The following SYNE1 variants were observed in gnomAD, a reference collection of about 807,000 sequenced individuals.
SYNE1 encodes spectrin repeat containing nuclear envelope protein 1.
Under a neutral mutation model 1,111.0 loss-of-function variants are expected in SYNE1, and 616 were observed. That is an observed-to-expected ratio of 0.55 (90% CI 0.52 to 0.59). The LOEUF (loss-of-function observed/expected upper bound fraction) is 0.59, where lower values mean the gene tolerates loss of function less well. Among genes scored for constraint, SYNE1 ranks in the 20% least tolerant of loss-of-function variants. The pLI is 0.00. For missense variants in SYNE1, 10,006 were observed against 10,417.0 expected (o/e 0.96, Z 1.72); for synonymous variants, 3,855 against 3,825.8 (o/e 1.01, Z -0.28).
intron 87 of SYNE1, 40 bp from the exon 88 acceptor site, chr6:152,310,913 G>A (rs1242740584): frequency 1.3e-6 from 2 of 1,591,468 alleles, no homozygotes; most frequent in South Asian, 2.2e-5. Flanking sequence ...TGACGGGCAG[G>A]TAGAGGGATA....
At position 152,331,583 on chromosome 6, in the gene SYNE1, C is replaced by A. The variant is rs201900423; in HGVS notation, c.13102G>T (p.Ala4368Ser). Reference sequence around the variant, plus strand: ...GGAGGGCTCTGCTTAAGGGCCTCGGCGATGTTGGGTTGTTGCTCTTCTGCC... The same window carrying A: ...GGAGGGCTCTGCTTAAGGGCCTCGGAGATGTTGGGTTGTTGCTCTTCTGCC... ...EWAEEQQPNI[A>S]EALKQSPPPD... The change falls in exon 78 of 146, where the codon GCC becomes TCC. Residue 4368 changes from alanine to serine, a missense_variant. By Grantham distance (99) the Ala-to-Ser change is moderately conservative. Around this residue, in one of 7 missense-constraint regions of SYNE1, gnomAD observed 4,955 missense variants for 5,017.2 expected, o/e 0.99. Transcript: ENST00000367255. The A allele has an allele frequency of 1.9e-6, 3 of 1,614,138 alleles. No homozygotes were observed. The Admixed American group carries it at 5.0e-5, about 27-fold the overall frequency.
Position 152,305,363 on chromosome 6 carries a change from T to C in SYNE1, c.17346+3126A>G, listed in dbSNP as rs1488047519. ...TCACTGCAACCTCCACCTCCCAGGT[T>C]CAAGCGATTCTCCTGTCTCAGCCTC... is the stretch of plus-strand genomic sequence containing the variant. On this transcript the variant is annotated intron_variant, in intron 91 of 145. Transcript: ENST00000367255. Among the ~76,000 whole-genome samples, 5 of 152,266 alleles carry C rather than the reference T, an allele frequency of 3.3e-5. No individual in the cohort carries two copies. In the East Asian group the frequency reaches 9.6e-4, roughly 29 times the overall value.
Position 152,381,470 on chromosome 6 carries a change from A to T in SYNE1, c.8653-108T>A. 4 of 1,095,836 alleles carry T rather than the reference A, an allele frequency of 3.7e-6. No homozygotes were observed. The South Asian group carries it at 5.0e-5, about 14-fold the overall frequency. 67.9% of individuals were successfully genotyped at this position (1,095,836 alleles called of 1,614,324 possible). On this transcript the variant is annotated intron_variant, in intron 55 of 145. Transcript: ENST00000367255. ...CCTGTCCTGCCAGGAAGTTTTAACA[A>T]GTGTGCCACAAGGACCCAGAATCAA...
At chr6:152,620,705 C>T (rs1418468871) in intron 3 of SYNE1, among the ~76,000 whole-genome samples, 2 of 152,146 alleles carry the variant, frequency 1.3e-5, no homozygotes, top group Non-Finnish European at 2.9e-5. Flanking sequence ...TCATCTGTCT[C>T]TTGACTTGTC....
At chr6:152,486,910 T>C (rs941336623) in intron 12 of SYNE1, among the ~76,000 whole-genome samples, 47 of 152,330 alleles carry the variant, frequency 3.1e-4, no homozygotes, top group African/African-American at 1.1e-3. Flanking sequence ...GACTGAAATA[T>C]GATGTCGAGT....
Position 152,321,276 on chromosome 6 carries a change from A to G in SYNE1, c.16198T>C (p.Leu5400=), listed in dbSNP as rs541916760. ...TILPSELSLQ[L]AEVALDLKIR... Reference sequence around the variant, plus strand: ...TTTAGATCTAACGCCACTTCAGCCAACTGAAGGGAGAGTTCAGAAGGTAAT... The same window carrying G: ...TTTAGATCTAACGCCACTTCAGCCAGCTGAAGGGAGAGTTCAGAAGGTAAT... The change falls in exon 84 of 146, where the codon TTG becomes CTG. Residue 5400 remains leucine (L), a synonymous_variant. Transcript: ENST00000367255. 1.3e-5 allele frequency: 21 copies of G among 1,613,892 alleles called. No homozygotes were observed. The Admixed American group carries it at 3.3e-4, about 26-fold the overall frequency.
intron 14 of SYNE1, among the ~76,000 whole-genome samples, chr6:152,477,543 C>T (rs1452226816): frequency 6.6e-6 from 1 of 152,212 alleles, no homozygotes; most frequent in Non-Finnish European, 1.5e-5. Flanking sequence ...AATGAGGCTT[C>T]ACTGACAACC....
At chr6:152,493,183 C>G (rs1365316491) in intron 11 of SYNE1, among the ~76,000 whole-genome samples, 1 of 152,084 alleles carries the variant, frequency 6.6e-6, no homozygotes, top group Non-Finnish European at 1.5e-5. Context: ...CATCCTTACC[C>G]TGCTCAACAC....
chr6:152,294,452 T>G (rs1208197098), intron 93 of SYNE1, among the ~76,000 whole-genome samples: 1 of 152,142 alleles, frequency 6.6e-6, no homozygotes, highest in African/African-American at 2.4e-5. Context: ...TAAAGGTTGA[T>G]TAGAATAGCA....
Position 152,141,232 on chromosome 6 carries a change from T to C in SYNE1, c.25217A>G (p.Asn8406Ser). The C allele has an allele frequency of 6.2e-7, 1 of 1,614,172 alleles. No homozygotes were observed. Among genetic ancestry groups the C allele is most frequent in the Non-Finnish European group, 8.5e-7 (1 of 1,180,024 alleles). Reference protein sequence around the residue: ...EEEESLPGFVNLHSTETQTAG... With the variant: ...EEEESLPGFVSLHSTETQTAG... ...CGTTTGGGTTTCGGTACTATGCAGG[T>C]TAACAAAGCCAGGAAGGCTCTCCTC... The change falls in exon 139 of 146, where the codon AAC (asparagine) becomes AGC (serine). Residue 8406 changes from asparagine (N) to serine (S), a missense_variant. Asn to Ser is a conservative substitution (Grantham distance 46). Around this residue, in one of 7 missense-constraint regions of SYNE1, gnomAD observed 761 missense variants for 795.5 expected, o/e 0.96. Transcript: ENST00000367255.
chr6:152,197,369 G>A (rs2074377345), intron 127 of SYNE1, among the ~76,000 whole-genome samples: 1 of 152,202 alleles, frequency 6.6e-6, no homozygotes, highest in African/African-American at 2.4e-5. Flanking sequence ...GTCAAATCGG[G>A]AATGTTCTTA....
chr6:152,219,463 G>A (rs2079555166), intron 119 of SYNE1, among the ~76,000 whole-genome samples: 1 of 149,050 alleles, frequency 6.7e-6, no homozygotes, highest in African/African-American at 2.5e-5. Context: ...ACAGGACCTT[G>A]GGGAAATGCA....
At chr6:152,256,886 G>C (rs1457485498) in intron 101 of SYNE1, 121 bp from the exon 102 acceptor site, 34 of 1,439,288 alleles carry the variant, frequency 2.4e-5, no homozygotes, top group Non-Finnish European at 3.2e-5. Context: ...TTCTTCTAGA[G>C]AAATATAACT....
At chr6:152,250,087 C>G (rs926982676) in intron 104 of SYNE1, among the ~76,000 whole-genome samples, 1 of 151,728 alleles carries the variant, frequency 6.6e-6, no homozygotes, top group South Asian at 2.1e-4. Flanking sequence ...ACACAGTGCA[C>G]CCGGTCTCTA....
chr6:152,199,182 AT>A (rs11321301), intron 127 of SYNE1, among the ~76,000 whole-genome samples: 16,601 of 151,674 alleles, frequency 0.11, 1,000 homozygotes, highest in Middle Eastern at 0.23. Context: ...TTGATTTAAA[AT>A]TTTTTTTTCC....
At chr6:152,253,122 C>T (rs1347744237) in intron 104 of SYNE1, among the ~76,000 whole-genome samples, 1 of 152,022 alleles carries the variant, frequency 6.6e-6, no homozygotes, top group Non-Finnish European at 1.5e-5. Flanking sequence ...CTGGTGGTAC[C>T]ATCAACTGGC....
At chr6:152,614,409 A>G (rs1741987760) in intron 3 of SYNE1, among the ~76,000 whole-genome samples, 1 of 152,234 alleles carries the variant, frequency 6.6e-6, no homozygotes, top group South Asian at 2.1e-4. Context: ...TCATCAGAAA[A>G]ATGCAAATAA....
chr6:152,413,404 T>A lies in SYNE1; in HGVS notation c.6178A>T (p.Ile2060Leu). 6.2e-7 allele frequency: 1 copy of A among 1,614,160 alleles called. No homozygotes were observed. The highest frequency in any genetic ancestry group is 1.3e-5 in the African/African-American group (1 of 75,052). ...VAFAPEVDRE[I>L]NRLEVTWDDT... is the part of the protein sequence containing the mutation. ...TCCCAGGTGACCTCTAAGCGGTTTA[T>A]CTCCCTGTCAACTTCAGGTGCAAAA... The change falls in exon 42 of 146, where the codon ATA becomes TTA. Residue 2060 changes from isoleucine to leucine, a missense_variant. Ile to Leu is a conservative substitution (Grantham distance 5). This residue lies in a region of SYNE1 where 4,955 missense variants were observed against 5,017.2 expected (regional missense o/e 0.99). Coordinates refer to ENST00000367255, the MANE Select transcript of SYNE1 (RefSeq NM_182961.4).
At position 152,308,568 on chromosome 6, in the gene SYNE1, C is replaced by A. The variant is rs754009563; in HGVS notation, c.17267G>T (p.Gly5756Val). 1.9e-6 allele frequency: 3 copies of A among 1,613,760 alleles called. No homozygotes were observed. The highest frequency in any genetic ancestry group is 2.5e-6 in the Non-Finnish European group (3 of 1,180,010). Reference sequence around the variant, plus strand: ...TTTATCCTCAATCTCTCTGTGAGCTCCTTCTATCAGTTGCTGGAGATGTTT... The same window carrying A: ...TTTATCCTCAATCTCTCTGTGAGCTACTTCTATCAGTTGCTGGAGATGTTT... Reference protein sequence around the residue: ...EMKHLQQLIEGAHREIEDKPV... With the variant: ...EMKHLQQLIEVAHREIEDKPV... The change falls in exon 91 of 146, where the codon GGA (glycine) becomes GTA (valine). Residue 5756 changes from glycine to valine, a missense_variant. Physicochemically the swap from Gly to Val is moderately radical, Grantham distance 109 (BLOSUM62 -3). Around this residue, in one of 7 missense-constraint regions of SYNE1, gnomAD observed 4,955 missense variants for 5,017.2 expected, o/e 0.99. Coordinates refer to ENST00000367255, the MANE Select transcript of SYNE1 (RefSeq NM_182961.4).
Sources: allele counts gnomAD v4.1 joint callset (sites outside exome capture counted in the v4.1 genomes callset), GRCh38; gene constraint gnomAD v4.1.1; regional missense constraint gnomAD v4.1.1; transcripts MANE v1.5; gene names NCBI Gene and HGNC (gene_info 2026-07-23, HGNC 2026-07-21).